The following CCND3 variants were observed in gnomAD, a reference collection of about 807,000 sequenced individuals.
CCND3 encodes the protein G1/S-specific cyclin-D3.
In CCND3, 9 loss-of-function variants were observed where a neutral mutation model predicts 28.7. The ratio of observed to expected loss-of-function variants is 0.31; its 90% CI spans 0.19 to 0.55. The LOEUF (loss-of-function observed/expected upper bound fraction) is 0.55. CCND3 is among the 20% of genes least tolerant of loss of function. CCND3 has a pLI of 0.93. For missense variants in CCND3, 315 were observed against 385.8 expected (o/e 0.82, Z 1.54); for synonymous variants, 164 against 163.9 (o/e 1.00, Z 0.00).
rs149703400 is a variant in CCND3 at position 42,011,248 on chromosome 6, G to A, written c.-46+37253C>T. Among the ~76,000 whole-genome samples, 551 of 152,226 alleles carry A rather than the reference G, an allele frequency of 3.6e-3. 1 individual carries two copies. The highest frequency in any genetic ancestry group is 0.012 in the African/African-American group (508 of 41,524). ...TTCTCCTGCCTCAGCCTGCCAAGTAGCTAGGACCACAGCAAGTACCTAGGC... is the reference window on the plus strand; with the variant it reads ...TTCTCCTGCCTCAGCCTGCCAAGTAACTAGGACCACAGCAAGTACCTAGGC... On this transcript the variant is annotated intron_variant, in intron 1 of 4. Transcript: ENST00000372988.
At chr6:41,946,433 CA>C (rs1239455007), upstream of CCND3, among the ~76,000 whole-genome samples, 30 of 144,982 alleles carry the variant, frequency 2.1e-4, no homozygotes, top group East Asian at 4.0e-4. Flanking sequence ...CCATCTCTAC[CA>C]AAAAAAAAAT....
intron 1 of CCND3, among the ~76,000 whole-genome samples, chr6:41,988,701 T>TTTCC (rs368736682): frequency 7.2e-6 from 1 of 139,370 alleles, no homozygotes; most frequent in South Asian, 2.2e-4. Context: ...CTTCTTTTCT[T>TTTCC]TTTTTTTTTT....
At chr6:41,990,422 C>G (rs1762612455) in intron 1 of CCND3, among the ~76,000 whole-genome samples, 1 of 151,924 alleles carries the variant, frequency 6.6e-6, no homozygotes, top group Non-Finnish European at 1.5e-5. Context: ...TCAGTATATT[C>G]TTCATAGAAA....
chr6:42,035,603 G>A (rs1175793531), intron 1 of CCND3, among the ~76,000 whole-genome samples: 4 of 151,102 alleles, frequency 2.6e-5, no homozygotes, highest in Admixed American at 2.0e-4. Context: ...TCCTGACCTC[G>A]TGATCCGCCC....
chr6:42,003,938 C>CAAAAAA (rs34911832), intron 1 of CCND3, among the ~76,000 whole-genome samples: 3 of 85,366 alleles, frequency 3.5e-5, no homozygotes, highest in South Asian at 4.0e-4. Context: ...GACCCTATCT[C>CAAAAAA]AAAAAAAAAA....
At chr6:41,941,864 C>T (rs1582090773), upstream of CCND3, 2 of 251,000 alleles carry the variant, frequency 8.0e-6, no homozygotes, top group East Asian at 1.5e-4. The surrounding 1 kb of genome is among the most constrained non-coding windows in gnomAD (Gnocchi z 6.1). Flanking sequence ...GACGTCGCAA[C>T]GCTCCGAGGG....
At chr6:42,020,750 C>CTTTA (rs561864861) in intron 1 of CCND3, among the ~76,000 whole-genome samples, 110 of 152,240 alleles carry the variant, frequency 7.2e-4, no homozygotes, top group South Asian at 3.5e-3. Flanking sequence ...TCCAGTTTCA[C>CTTTA]TTTATTTATT....
At chr6:41,964,040 A>T (rs1041127101) in intron 1 of CCND3, among the ~76,000 whole-genome samples, 13 of 152,222 alleles carry the variant, frequency 8.5e-5, no homozygotes, top group African/African-American at 2.9e-4. Context: ...ATCAATAAAT[A>T]TTAGTAGAAT....
intron 1 of CCND3, among the ~76,000 whole-genome samples, chr6:41,960,024 G>A (rs1037972250): frequency 3.3e-5 from 5 of 152,082 alleles, no homozygotes; most frequent in African/African-American, 9.7e-5. Flanking sequence ...TATGGCATAT[G>A]CATACAGTGG....
In CCND3 at chr6:41,941,388, C is replaced by T. The variant is rs573762582; in HGVS notation, c.198+64G>A. 4 of 1,574,918 alleles carry T rather than the reference C, an allele frequency of 2.5e-6. No homozygotes were observed. Among genetic ancestry groups the T allele is most frequent in the Non-Finnish European group, 3.4e-6 (4 of 1,164,788 alleles). ...TGCTGTGGGGACCGGGATGTCCCGA[C>T]AGGGCGGCCCCGGTGTGTCCAGACC... On this transcript the variant is annotated intron_variant, in intron 1 of 4. Transcript: ENST00000372991. This position sits in a 1 kb window ranked among gnomAD's most constrained non-coding sequence, Gnocchi z 6.1.
intron 1 of CCND3, among the ~76,000 whole-genome samples, chr6:42,008,869 G>A (rs1763253168): frequency 6.6e-6 from 1 of 152,142 alleles, no homozygotes; most frequent in Non-Finnish European, 1.5e-5. Context: ...AAACTTCAGG[G>A]AACACAGGGG....
chr6:41,965,487 C>A (rs984723973), intron 1 of CCND3, among the ~76,000 whole-genome samples: 1 of 152,166 alleles, frequency 6.6e-6, no homozygotes, highest in African/African-American at 2.4e-5. Flanking sequence ...TGAGTCAGGA[C>A]CTCAGGAGTG....
At chr6:41,987,259 G>A (rs1424667222) in intron 1 of CCND3, among the ~76,000 whole-genome samples, 2 of 151,920 alleles carry the variant, frequency 1.3e-5, no homozygotes, top group Non-Finnish European at 2.9e-5. Context: ...TGTAACATTG[G>A]CTCCAAAGGC....
At chr6:42,011,916 T>C (rs1763355894) in intron 1 of CCND3, among the ~76,000 whole-genome samples, 1 of 152,174 alleles carries the variant, frequency 6.6e-6, no homozygotes. Flanking sequence ...CGAGGTAAGG[T>C]CCTGAGCAAG....
At chr6:41,974,662 G>A (rs187063024) in intron 1 of CCND3, among the ~76,000 whole-genome samples, 52 of 152,136 alleles carry the variant, frequency 3.4e-4, no homozygotes, top group South Asian at 6.2e-4. Flanking sequence ...CCACAGCACC[G>A]TTCAGTTCCC....
At chr6:41,967,210 C>T (rs981040044) in intron 1 of CCND3, among the ~76,000 whole-genome samples, 1 of 152,154 alleles carries the variant, frequency 6.6e-6, no homozygotes, top group Non-Finnish European at 1.5e-5. Flanking sequence ...AGGGGGAAGG[C>T]GGAGGAGTGT....
At chr6:42,023,941 A>G (rs1763788615) in intron 1 of CCND3, among the ~76,000 whole-genome samples, 1 of 152,186 alleles carries the variant, frequency 6.6e-6, no homozygotes, top group African/African-American at 2.4e-5. Context: ...CACCTGTGTC[A>G]CAATAACAGC....
chr6:41,958,993 T>A (rs1045417373), intron 1 of CCND3, among the ~76,000 whole-genome samples: 3 of 152,194 alleles, frequency 2.0e-5, no homozygotes, highest in African/African-American at 7.2e-5. Context: ...AATAAAAACG[T>A]ACATCCACAC....
intron 1 of CCND3, among the ~76,000 whole-genome samples, chr6:42,043,509 C>T (rs546333070): frequency 3.3e-5 from 5 of 152,206 alleles, no homozygotes; most frequent in African/African-American, 7.2e-5. Context: ...CCAGCCGGGG[C>T]GACAGAGTGA....
Sources: allele counts gnomAD v4.1 joint callset (sites outside exome capture counted in the v4.1 genomes callset), GRCh38; gene constraint gnomAD v4.1.1; non-coding constraint Gnocchi (gnomAD v3.1); transcripts MANE v1.5; gene names NCBI Gene and HGNC (gene_info 2026-07-23, HGNC 2026-07-21).